LPAR3: variants seen among roughly 807,000 people sequenced by gnomAD.
LPAR3 encodes lysophosphatidic acid receptor 3.
LPAR3 carries 7 observed loss-of-function variants against 17.8 expected under a neutral mutation model. The ratio of observed to expected loss-of-function variants is 0.39; its 90% CI spans 0.22 to 0.74. LPAR3 has a LOEUF of 0.74. Among genes scored for constraint, LPAR3 ranks in the 30% least tolerant of loss-of-function variants. The pLI is 0.40. For synonymous variants in LPAR3, 179 were observed against 179.9 expected (o/e 0.99, Z 0.04); for missense variants, 391 against 453.4 (o/e 0.86, Z 1.25).
chr1:84,864,247 T>G (rs1337268650), intron 2 of LPAR3, among the ~76,000 whole-genome samples: 1 of 151,752 alleles, frequency 6.6e-6, no homozygotes, highest in East Asian at 1.9e-4. Context: ...AAACAGAATC[T>G]GACCATCACC....
intron 2 of LPAR3, among the ~76,000 whole-genome samples, chr1:84,865,088 G>T (rs1007091681): frequency 6.6e-6 from 1 of 151,986 alleles, no homozygotes; most frequent in African/African-American, 2.4e-5. Context: ...AAGTGCAAAC[G>T]ATACCTGCTT....
At chr1:84,889,284 T>G (rs890301102) in intron 1 of LPAR3, among the ~76,000 whole-genome samples, 1 of 151,968 alleles carries the variant, frequency 6.6e-6, no homozygotes, top group African/African-American at 2.4e-5. Context: ...TTAGCTTAAT[T>G]TGGGGGTGGG....
chr1:84,861,822 T>C (rs1659947125), intron 2 of LPAR3, among the ~76,000 whole-genome samples: 1 of 152,226 alleles, frequency 6.6e-6, no homozygotes, highest in African/African-American at 2.4e-5. Context: ...TTATCTCAAT[T>C]GCATGACTTC....
At chr1:84,820,433 G>GTTA (rs1659031773) in intron 2 of LPAR3, among the ~76,000 whole-genome samples, 1 of 152,210 alleles carries the variant, frequency 6.6e-6, no homozygotes, top group Non-Finnish European at 1.5e-5. Flanking sequence ...CTGTCAATGA[G>GTTA]GGTCTCAGTC....
intron 2 of LPAR3, among the ~76,000 whole-genome samples, chr1:84,842,462 AG>A (rs1211868978): frequency 3.3e-5 from 5 of 152,360 alleles, no homozygotes; most frequent in African/African-American, 1.2e-4. Flanking sequence ...CAAATGAATG[AG>A]CAGAAATCAT....
chr1:84,838,684 G>T (rs1173314222), intron 2 of LPAR3, among the ~76,000 whole-genome samples: 1 of 152,086 alleles, frequency 6.6e-6, no homozygotes, highest in African/African-American at 2.4e-5. Flanking sequence ...TCTCCATAGT[G>T]TGGTCAATCG....
At chr1:84,827,847 T>G (rs886557184) in intron 2 of LPAR3, among the ~76,000 whole-genome samples, 2 of 152,170 alleles carry the variant, frequency 1.3e-5, no homozygotes, top group Non-Finnish European at 2.9e-5. Context: ...AAGATTGTTT[T>G]ATAGATTAAA....
At chr1:84,866,686 C>T (rs1557604448) in intron 1 of LPAR3, among the ~76,000 whole-genome samples, 1 of 152,190 alleles carries the variant, frequency 6.6e-6, no homozygotes, top group Non-Finnish European at 1.5e-5. Flanking sequence ...AATTACCATT[C>T]ACATAACCAA....
At chr1:84,888,935 G>A (rs115696442) in intron 1 of LPAR3, among the ~76,000 whole-genome samples, 2,202 of 152,236 alleles carry the variant, frequency 0.014, 55 homozygotes, top group African/African-American at 0.05. Context: ...AGGCTGTGCT[G>A]GGCAGGTTGC....
At chr1:84,820,575 A>G (rs551346234) in intron 2 of LPAR3, among the ~76,000 whole-genome samples, 6 of 152,322 alleles carry the variant, frequency 3.9e-5, no homozygotes, top group African/African-American at 1.4e-4. Flanking sequence ...TGAGGAAGTA[A>G]GGTAAAGTCT....
rs749382230 is a variant in LPAR3, at chr1:84,813,895, A to G, written c.1013T>C (p.Ile338Thr). 1.9e-6 allele frequency: 3 copies of G among 1,614,044 alleles called. No homozygotes were observed. Among genetic ancestry groups the G allele is most frequent in the Admixed American group, 1.7e-5 (1 of 60,004 alleles). ...TGCACCTTGGCTAATACTATCCTCT[A>G]TGTACTGGCTGCCTGTGTCACTCCT... ...LSRSDTGSQY[I>T]EDSISQGAVC... Residue 338 changes from isoleucine to threonine, a missense_variant, in exon 3 of 3, where the codon ATA becomes ACA. Ile to Thr is a moderately conservative substitution (Grantham distance 89). Transcript: ENST00000370611.
chr1:84,838,924 C>T (rs2102753514), intron 2 of LPAR3, among the ~76,000 whole-genome samples: 1 of 152,292 alleles, frequency 6.6e-6, no homozygotes, highest in Non-Finnish European at 1.5e-5. Flanking sequence ...CGGGCTTTGT[C>T]CCTGCAGCTA....
At chr1:84,867,906 G>C (rs945850787) in intron 1 of LPAR3, among the ~76,000 whole-genome samples, 2 of 152,104 alleles carry the variant, frequency 1.3e-5, no homozygotes, top group Non-Finnish European at 2.9e-5. Flanking sequence ...GGCCACACCT[G>C]ACTTAACTAA....
At chr1:84,854,229 T>C (rs1007759706) in intron 2 of LPAR3, among the ~76,000 whole-genome samples, 5 of 152,166 alleles carry the variant, frequency 3.3e-5, no homozygotes, top group Admixed American at 6.5e-5. Flanking sequence ...GACATATGTA[T>C]ACCTGTCTCC....
chr1:84,818,782 C>T (rs1490952589), intron 2 of LPAR3, among the ~76,000 whole-genome samples: 1 of 151,994 alleles, frequency 6.6e-6, no homozygotes, highest in Non-Finnish European at 1.5e-5. Flanking sequence ...TCATGGTTTT[C>T]CAATATACGG....
At chr1:84,885,022 C>A (rs1043674726) in intron 1 of LPAR3, among the ~76,000 whole-genome samples, 3 of 152,152 alleles carry the variant, frequency 2.0e-5, no homozygotes, top group Admixed American at 1.3e-4. Context: ...TGCAAAATTC[C>A]CCCAGGAAAC....
intron 1 of LPAR3, among the ~76,000 whole-genome samples, chr1:84,868,845 T>C (rs1660104621): frequency 6.6e-6 from 1 of 152,202 alleles, no homozygotes; most frequent in African/African-American, 2.4e-5. Context: ...AATAAATTTC[T>C]GTTATTTATT....
intron 2 of LPAR3, among the ~76,000 whole-genome samples, chr1:84,822,540 T>C (rs1199359307): frequency 6.6e-6 from 1 of 152,188 alleles, no homozygotes; most frequent in Non-Finnish European, 1.5e-5. Flanking sequence ...AACATTATTG[T>C]TTACATACTC....
intron 2 of LPAR3, among the ~76,000 whole-genome samples, chr1:84,823,714 G>C (rs1310319624): frequency 6.6e-6 from 1 of 152,178 alleles, no homozygotes; most frequent in Non-Finnish European, 1.5e-5. Context: ...AACCATGTAA[G>C]AAAACACCAT....
Sources: gnomAD v4.1 joint callset for allele counts (sites outside exome capture counted in the v4.1 genomes callset) on GRCh38, gnomAD v4.1.1 for gene constraint, MANE v1.5 for transcripts, NCBI Gene and HGNC (gene_info 2026-07-23, HGNC 2026-07-21) for gene names.